Variants in TBCK observed in about 807,000 individuals in gnomAD.
TBCK encodes the protein TBC domain-containing protein kinase-like protein.
Under a neutral mutation model 113.4 loss-of-function variants are expected in TBCK, and 99 were observed. The observed-to-expected ratio is 0.87, with a 90% confidence interval of 0.74 to 1.03. The LOEUF (loss-of-function observed/expected upper bound fraction) is 1.03. Ranked by LOEUF, TBCK falls within the 50% of genes least tolerant of loss-of-function variation. The pLI is 0.00. For synonymous variants in TBCK, 369 were observed against 370.8 expected, an observed-to-expected ratio of 1.00 and a Z score of 0.05; for missense variants, 1,045 against 1,061.3, an observed-to-expected ratio of 0.98 and a Z score of 0.21.
intron 3 of TBCK, among the ~76,000 whole-genome samples, chr4:106,281,676 T>C (rs1055191166): frequency 2.6e-5 from 4 of 152,150 alleles, no homozygotes; most frequent in Non-Finnish European, 5.9e-5. Flanking sequence ...AAGGATCATA[T>C]GGTTTTTGTC....
chr4:106,211,582 G>A lies in TBCK; in HGVS notation c.1860+1168C>T, dbSNP rs184576932. On this transcript the variant is annotated intron_variant, in intron 20 of 25. Transcript: ENST00000394708. Reference sequence around the variant, plus strand: ...TGTGCCCCAGGTCTCAATATAAAATGTATTTCTTCCCATGCATTGTGAGAA... The same window carrying A: ...TGTGCCCCAGGTCTCAATATAAAATATATTTCTTCCCATGCATTGTGAGAA... 1.7e-3 allele frequency among the ~76,000 whole-genome samples: 265 copies of A among 152,134 alleles called. 1 individual carries two copies. The highest frequency in any genetic ancestry group is 6.0e-3 in the African/African-American group (249 of 41,532).
chr4:106,072,689 G>T (rs567862695), intron 25 of TBCK, among the ~76,000 whole-genome samples: 1 of 152,258 alleles, frequency 6.6e-6, no homozygotes, highest in Non-Finnish European at 1.5e-5. Flanking sequence ...CCTGAAGAGT[G>T]TTTTCCAGCT....
chr4:106,282,034 A>T (rs1336189737), intron 3 of TBCK, among the ~76,000 whole-genome samples: 2 of 152,094 alleles, frequency 1.3e-5, no homozygotes, highest in African/African-American at 2.4e-5. Context: ...CCTCTAGCCC[A>T]GGGCATTTCT....
chr4:106,115,457 T>C (rs187011885), intron 24 of TBCK, among the ~76,000 whole-genome samples: 2 of 152,302 alleles, frequency 1.3e-5, no homozygotes, highest in African/African-American at 4.8e-5. Flanking sequence ...ATAGCATTTA[T>C]AGTTAGTAAA....
In TBCK at chr4:106,244,801, T is replaced by A. The variant is rs548427198; in HGVS notation, c.932-37A>T. On this transcript the variant is annotated intron_variant, in intron 10 of 25. Coordinates refer to ENST00000394708, the MANE Select transcript of TBCK (RefSeq NM_001163435.3). ...AAATTTAAGGAATCATTGTATTATA[T>A]TTTCTACTTTTATTAAACGTCAACA... 5.2e-6 allele frequency: 7 copies of A among 1,335,330 alleles called. No homozygotes were observed. In the Admixed American group the frequency reaches 7.1e-5, roughly 14 times the overall value. 82.7% of individuals were successfully genotyped at this position (1,335,330 alleles called of 1,614,324 possible).
At chr4:106,210,573 T>G (rs368352517) in intron 20 of TBCK, among the ~76,000 whole-genome samples, 21 of 152,272 alleles carry the variant, frequency 1.4e-4, no homozygotes, top group Admixed American at 3.9e-4. Flanking sequence ...GCTAAAACAT[T>G]AGAACACATT....
intron 23 of TBCK, among the ~76,000 whole-genome samples, chr4:106,126,897 A>G (rs1340301244): frequency 6.6e-6 from 1 of 152,198 alleles, no homozygotes; most frequent in Non-Finnish European, 1.5e-5. Context: ...AAAGCTTTCA[A>G]AACTGTGCTC....
At position 106,235,257 on chromosome 4, in the gene TBCK, T is replaced by G. The variant is rs770179944; in HGVS notation, c.1449+12A>C. On this transcript the variant is annotated intron_variant, in intron 15 of 25. Coordinates refer to ENST00000394708, the MANE Select transcript of TBCK (RefSeq NM_001163435.3). ...TAATTAATCAGCTTCTAACCTTTTC[T>G]TTTTTCCTTACCTCAACTCCCAGAA... 4 of 1,574,490 alleles carry G rather than the reference T, an allele frequency of 2.5e-6. No individual in the cohort carries two copies. The highest frequency in any genetic ancestry group is 3.5e-6 in the Non-Finnish European group (4 of 1,158,654).
rs73838164 is a variant in TBCK at position 106,233,695 on chromosome 4, T to C, written c.1450-45A>G. ...ATATATTAATTTATCATATCCTTAA[T>C]ACAAATAGTAATATAGAGAAATCTA... is the stretch of plus-strand genomic sequence containing the variant. On this transcript the variant is annotated intron_variant, in intron 15 of 25. Transcript: ENST00000394708. 4,131 of 1,408,372 alleles carry C rather than the reference T, an allele frequency of 2.9e-3. 103 individuals carry two copies. In the African/African-American group the frequency reaches 0.049, roughly 17 times the overall value. 87.2% of individuals were successfully genotyped at this position (1,408,372 alleles called of 1,614,324 possible). A position where few individuals can be genotyped will look rare whatever the true frequency, so the allele number is the denominator to read the frequency against.
At chr4:106,301,637 G>A (rs1412407375) in intron 2 of TBCK, among the ~76,000 whole-genome samples, 1 of 152,166 alleles carries the variant, frequency 6.6e-6, no homozygotes, top group Non-Finnish European at 1.5e-5. Flanking sequence ...ATAGAAAACA[G>A]TGAAAGCTAG....
intron 25 of TBCK, among the ~76,000 whole-genome samples, chr4:106,069,106 C>A (rs1023190270): frequency 2.6e-5 from 4 of 152,172 alleles, no homozygotes; most frequent in Non-Finnish European, 2.9e-5. Flanking sequence ...CCTGTTCACT[C>A]TGATGGTAGT....
In TBCK at chr4:106,242,510, T is replaced by C. The variant is rs34840340; in HGVS notation, c.1130A>G (p.Asp377Gly). 4 of 1,609,708 alleles carry C rather than the reference T, an allele frequency of 2.5e-6. No individual in the cohort carries two copies. Among genetic ancestry groups the C allele is most frequent in the Non-Finnish European group, 3.4e-6 (4 of 1,177,956 alleles). ...TAACGACAATGTCACAGTGGTATCA[T>C]CTAAAAGCGAGCTTCTATCTCGACC... ...GQGRDRSSLL[D>G]DTTVTLSLCQ... Residue 377 changes from aspartate (D) to glycine (G), a missense_variant, in exon 12 of 26, where the codon GAT becomes GGT. By Grantham distance (94) the Asp-to-Gly change is moderately conservative. Coordinates refer to ENST00000394708, the MANE Select transcript of TBCK (RefSeq NM_001163435.3).
chr4:106,237,025 A>G (rs753509466), intron 12 of TBCK, among the ~76,000 whole-genome samples: 5 of 151,956 alleles, frequency 3.3e-5, no homozygotes, highest in Non-Finnish European at 7.4e-5. Context: ...TTTTTTTCTT[A>G]TCTATAGGTA....
At chr4:106,271,520 G>A (rs1763478353) in intron 3 of TBCK, among the ~76,000 whole-genome samples, 1 of 152,024 alleles carries the variant, frequency 6.6e-6, no homozygotes, top group South Asian at 2.1e-4. Context: ...GGGAGGCCAA[G>A]GCAGGAGGAT....
chr4:106,099,270 C>T (rs968250533), intron 24 of TBCK, among the ~76,000 whole-genome samples: 1 of 152,102 alleles, frequency 6.6e-6, no homozygotes, highest in Non-Finnish European at 1.5e-5. Context: ...GAAACCAGCT[C>T]ATGTTTTTTT....
rs35285037 is a variant in TBCK, at chr4:106,045,057, C to CTTTT, written c.*1509_*1512dup. ...ATTTCTGAAATGGGAATGTATCTTTCTTTTTTTTTTTTTTTTTGAGATGGC... is the reference window on the plus strand; with the variant it reads ...ATTTCTGAAATGGGAATGTATCTTTCTTTTTTTTTTTTTTTTTTTTTGAGATGGC... On this transcript the variant is annotated 3_prime_UTR_variant, in exon 26 of 26. Transcript: ENST00000394708. 2.4e-5 allele frequency: 3 copies of CTTTT among 126,950 alleles called. No individual in the cohort carries two copies. The highest frequency in any genetic ancestry group is 3.3e-5 in the Non-Finnish European group (2 of 60,116). 7.9% of individuals were successfully genotyped at this position (126,950 alleles called of 1,614,324 possible). A position where few individuals can be genotyped will look rare whatever the true frequency, so the allele number is the denominator to read the frequency against.
intron 23 of TBCK, among the ~76,000 whole-genome samples, chr4:106,170,485 G>C (rs72968441): frequency 0.027 from 4,092 of 152,072 alleles, 175 homozygotes; most frequent in African/African-American, 0.094. Flanking sequence ...ATGAACAAAT[G>C]AATGTACCCA....
At chr4:106,252,209 T>C (rs1761514211) in intron 5 of TBCK, among the ~76,000 whole-genome samples, 1 of 151,978 alleles carries the variant, frequency 6.6e-6, no homozygotes. Flanking sequence ...AAGTCTGAAA[T>C]AGTTTTAAAA....
intron 24 of TBCK, 103 bp from the exon 25 acceptor site, chr4:106,095,744 C>T: frequency 1.1e-6 from 1 of 941,890 alleles, no homozygotes; most frequent in Non-Finnish European, 1.5e-6. Context: ...TACTAAACAT[C>T]TTCCAGCTTA....
Sources: gnomAD v4.1 joint callset for allele counts (sites outside exome capture counted in the v4.1 genomes callset) on GRCh38, gnomAD v4.1.1 for gene constraint, MANE v1.5 for transcripts, NCBI Gene and HGNC (gene_info 2026-07-23, HGNC 2026-07-21) for gene names.